C6orf141: variants seen among roughly 807,000 people sequenced by gnomAD.
C6orf141 encodes uncharacterized protein C6orf141.
For synonymous variants in C6orf141, 164 were observed against 140.5 expected, an observed-to-expected ratio of 1.17 and a Z score of -1.18; for missense variants, 361 against 335.8, an observed-to-expected ratio of 1.07 and a Z score of -0.59.
In C6orf141 at chr6:49,551,518, T is replaced by C; in HGVS notation, c.726T>C (p.Ile242=). ...CTCCAGGGACTTGGCTCGAGGAAATTAAACTCTAATGAGTAGCTCGAGAAA... is the reference window on the plus strand; with the variant it reads ...CTCCAGGGACTTGGCTCGAGGAAATCAAACTCTAATGAGTAGCTCGAGAAA... ...SPSPGTWLEE[I]KL is the part of the protein sequence containing the mutation. The change falls in exon 1 of 1, where the codon ATT becomes ATC. Residue 242 remains isoleucine, a synonymous_variant. Transcript: ENST00000529246. The C allele has an allele frequency of 6.4e-7, 1 of 1,550,816 alleles. No individual in the cohort carries two copies. The highest frequency in any genetic ancestry group is 8.7e-7 in the Non-Finnish European group (1 of 1,146,954).
In C6orf141 at chr6:49,550,951, G is replaced by A; in HGVS notation, c.159G>A (p.Gly53=). Residue 53 remains glycine, a synonymous_variant, in exon 1 of 1, where the codon GGG becomes GGA. Coordinates refer to ENST00000529246, the MANE Select transcript of C6orf141 (RefSeq NM_001145652.2). ...APGARNPATA[G]ASRSQGGGHE... ...GCGCCCGGAATCCCGCGACGGCAGG[G>A]GCGAGCCGAAGCCAGGGCGGCGGCC... 2 of 1,549,558 alleles carry A rather than the reference G, an allele frequency of 1.3e-6. No homozygotes were observed. The highest frequency in any genetic ancestry group is 1.7e-6 in the Non-Finnish European group (2 of 1,146,412).
intron 4 of C6orf141, among the ~76,000 whole-genome samples, chr6:49,559,807 C>T (rs903012007): frequency 6.6e-6 from 1 of 152,126 alleles, no homozygotes; most frequent in African/African-American, 2.4e-5. Flanking sequence ...AGCGAGAGAA[C>T]TTTCAGGGAG....
intron 4 of C6orf141, among the ~76,000 whole-genome samples, chr6:49,559,169 T>C (rs1449717050): frequency 7.5e-3 from 2 of 266 alleles, no homozygotes. Context: ...ATTGTCCATA[T>C]ATATATATAT....
chr6:49,558,067 T>G (rs1318611884), intron 4 of C6orf141, among the ~76,000 whole-genome samples: 5 of 135,340 alleles, frequency 3.7e-5, no homozygotes, highest in Admixed American at 1.6e-4. Context: ...ATGTTTTTTT[T>G]TTTTTTTTTT....
intron 4 of C6orf141, among the ~76,000 whole-genome samples, chr6:49,558,059 G>GTT (rs71002664): frequency 0.24 from 23,189 of 96,056 alleles, 2,852 homozygotes; most frequent in Middle Eastern, 0.35. Flanking sequence ...ACTCAAATAT[G>GTT]TTTTTTTTTT....
In C6orf141 at chr6:49,551,547, T is replaced by G. The variant is rs1305188071; in HGVS notation, c.*20T>G. The G allele has an allele frequency of 2.6e-6, 4 of 1,546,862 alleles. No homozygotes were observed. Among genetic ancestry groups the G allele is most frequent in the Admixed American group, 2.0e-5 (1 of 49,674 alleles). Reference sequence around the variant, plus strand: ...CTCTAATGAGTAGCTCGAGAAATGTTCCGGGATGGTGGATGAGCGATCATC... The same window carrying G: ...CTCTAATGAGTAGCTCGAGAAATGTGCCGGGATGGTGGATGAGCGATCATC... On this transcript the variant is annotated 3_prime_UTR_variant, in exon 1 of 1. Transcript: ENST00000529246.
Position 49,551,719 on chromosome 6 carries a change from G to C in C6orf141, c.*192G>C, listed in dbSNP as rs1770662557. On this transcript the variant is annotated 3_prime_UTR_variant, in exon 1 of 1. Transcript: ENST00000529246. ...CCTTTGTGGCTTGAATTCCTTCGCTGTCTGGGGACCTAAGTCATTCAGAAG... is the reference window on the plus strand; with the variant it reads ...CCTTTGTGGCTTGAATTCCTTCGCTCTCTGGGGACCTAAGTCATTCAGAAG... The C allele has an allele frequency of 2.1e-6, 3 of 1,430,980 alleles. No homozygotes were observed. The highest frequency in any genetic ancestry group is 2.6e-4 in the Middle Eastern group (1 of 3,870). The allele number at this position is 1,430,980 out of a possible 1,614,324, so 88.6% of individuals were successfully genotyped here.
chr6:49,556,275 T>C (rs1187169232), downstream of C6orf141, among the ~76,000 whole-genome samples: 3 of 152,232 alleles, frequency 2.0e-5, no homozygotes, highest in Non-Finnish European at 4.4e-5. Context: ...AAAAGTTTTT[T>C]TATTCTGTAT....
chr6:49,558,406 A>G (rs1487200662), intron 4 of C6orf141, among the ~76,000 whole-genome samples: 17 of 1,976 alleles, frequency 8.6e-3, no homozygotes, highest in East Asian at 0.25. Flanking sequence ...CTGAGTTGGA[A>G]AAAAAAAAAA....
intron 4 of C6orf141, among the ~76,000 whole-genome samples, chr6:49,558,757 G>A (rs1021025919): frequency 2.0e-5 from 3 of 151,930 alleles, no homozygotes; most frequent in Non-Finnish European, 4.4e-5. Flanking sequence ...GCCCAGGCTG[G>A]AGTGCAGTGG....
intron 4 of C6orf141, among the ~76,000 whole-genome samples, chr6:49,557,985 G>A (rs563604872): frequency 4.6e-5 from 7 of 151,854 alleles, no homozygotes; most frequent in Non-Finnish European, 7.4e-5. Context: ...TCCGCCTCCC[G>A]GGTTCAAGTG....
Position 49,557,882 on chromosome 6 carries a change from T to TCTCTCTCCCCTAATGCAAAAACAAAA in C6orf141, c.*763+2725_*763+2726insCTCTCTCCCCTAATGCAAAAACAAAA. On this transcript the variant is annotated intron_variant and NMD_transcript_variant, in intron 4 of 4. Coordinates refer to the C6orf141 transcript ENST00000371194. ...GTTCAATCTCTCTCCCCTAATGCAA[T>TCTCTCTCCCCTAATGCAAAAACAAAA]AGTTTTTGTTTTTTGTTTGTTTGTT... 2.0e-5 allele frequency among the ~76,000 whole-genome samples: 3 copies of TCTCTCTCCCCTAATGCAAAAACAAAA among 152,062 alleles called. No homozygotes were observed. In the South Asian group the frequency reaches 6.3e-4, roughly 32 times the overall value.
chr6:49,550,991 G>A lies in C6orf141; in HGVS notation c.199G>A (p.Ala67Thr), dbSNP rs1189318622. 4 of 1,550,966 alleles carry A rather than the reference G, an allele frequency of 2.6e-6. No individual in the cohort carries two copies. The highest frequency in any genetic ancestry group is 3.9e-5 in the Admixed American group (2 of 50,878). Residue 67 changes from alanine to threonine, a missense_variant, in exon 1 of 1, where the codon GCA becomes ACA. By Grantham distance (58) the Ala-to-Thr change is moderately conservative. Coordinates refer to ENST00000529246, the MANE Select transcript of C6orf141 (RefSeq NM_001145652.2). ...GGGCGGCGGCCACGAGGACAGAACG[G>A]CAGATCGGGCCCTCGGACCTCGGGC... ...SQGGGHEDRTADRALGPRAGE... is the reference protein window; with the variant it reads ...SQGGGHEDRTTDRALGPRAGE...
rs142958452 is a variant in C6orf141 at position 49,552,007 on chromosome 6, A to G, written c.*480A>G. The G allele has an allele frequency of 1.1e-6, 1 of 924,046 alleles. No individual in the cohort carries two copies. Among genetic ancestry groups the G allele is most frequent in the East Asian group, 1.2e-4 (1 of 8,562 alleles). The allele number at this position is 924,046 out of a possible 1,614,324, so 57.2% of individuals were successfully genotyped here. ...AGAAATGGGAAAGTAAAACCAAAGC[A>G]GCAAGTGACTCTCTTCTGATGTGCA... On this transcript the variant is annotated 3_prime_UTR_variant, in exon 1 of 1. Coordinates refer to ENST00000529246, the MANE Select transcript of C6orf141 (RefSeq NM_001145652.2).
chr6:49,559,165 CATATATATATATAT>C (rs66650945), intron 4 of C6orf141, among the ~76,000 whole-genome samples: 10 of 37,384 alleles, frequency 2.7e-4, no homozygotes, highest in Non-Finnish European at 4.4e-4. Context: ...GGTCATTGTC[CATATATATATATAT>C]ATATATATAT....
downstream of C6orf141, among the ~76,000 whole-genome samples, chr6:49,554,069 A>T (rs1325253199): frequency 6.6e-6 from 1 of 152,208 alleles, no homozygotes; most frequent in Admixed American, 6.5e-5. Flanking sequence ...ATCAGTAAGT[A>T]TATTTCTTAA....
Position 49,551,415 on chromosome 6 carries a change from G to A in C6orf141, c.623G>A (p.Gly208Asp). The change falls in exon 1 of 1, where the codon GGC (glycine) becomes GAC (aspartate). Residue 208 changes from glycine (G) to aspartate (D), a missense_variant. By Grantham distance (94) the Gly-to-Asp change is moderately conservative. Coordinates refer to ENST00000529246, the MANE Select transcript of C6orf141 (RefSeq NM_001145652.2). The part of the protein sequence containing the change: ...SREGQPGERW[G>D]PAESRALQAR... ...GAGGGACAGCCTGGGGAACGCTGGGGCCCTGCTGAATCCCGGGCTCTCCAG... is the reference window on the plus strand; with the variant it reads ...GAGGGACAGCCTGGGGAACGCTGGGACCCTGCTGAATCCCGGGCTCTCCAG... 4 of 1,551,634 alleles carry A rather than the reference G, an allele frequency of 2.6e-6. No homozygotes were observed. The highest frequency in any genetic ancestry group is 3.5e-6 in the Non-Finnish European group (4 of 1,146,980).
rs1460716313 is a variant in C6orf141 at position 49,551,118 on chromosome 6, A to G, written c.326A>G (p.Glu109Gly). The change falls in exon 1 of 1, where the codon GAG (glutamate) becomes GGG (glycine). Residue 109 changes from glutamate (E) to glycine (G), a missense_variant. Coordinates refer to ENST00000529246, the MANE Select transcript of C6orf141 (RefSeq NM_001145652.2). The stretch of plus-strand genomic sequence containing the variant: ...ACTCGAGGGGACCCTGCACGGGAAG[A>G]GGTGGCCGGTGCAGAGGACCTTCCT... The part of the protein sequence containing the change: ...LGTRGDPARE[E>G]VAGAEDLPHA... 6.4e-7 allele frequency: 1 copy of G among 1,551,550 alleles called. No homozygotes were observed. Among genetic ancestry groups the G allele is most frequent in the Non-Finnish European group, 8.7e-7 (1 of 1,146,986 alleles).
Position 49,550,706 on chromosome 6 carries a change from G to A in C6orf141, c.-87G>A. ...CACCGGCTGGGAGTCCGGAGCTGCA[G>A]CAGAGGCCACACCCAGGGCTTGGTG... is the stretch of plus-strand genomic sequence containing the variant. On this transcript the variant is annotated 5_prime_UTR_variant, in exon 1 of 1. Coordinates refer to ENST00000529246, the MANE Select transcript of C6orf141 (RefSeq NM_001145652.2). 8.3e-7 allele frequency: 1 copy of A among 1,197,980 alleles called. No homozygotes were observed. Among genetic ancestry groups the A allele is most frequent in the Non-Finnish European group, 1.1e-6 (1 of 887,566 alleles). 74.2% of individuals were successfully genotyped at this position (1,197,980 alleles called of 1,614,324 possible). A position where few individuals can be genotyped will look rare whatever the true frequency, so the allele number is the denominator to read the frequency against.
Sources: gnomAD v4.1 joint callset for allele counts (sites outside exome capture counted in the v4.1 genomes callset) on GRCh38, gnomAD v4.1.1 for gene constraint, MANE v1.5 for transcripts, NCBI Gene and HGNC (gene_info 2026-07-23, HGNC 2026-07-21) for gene names.